The following LMBR1 variants were observed in gnomAD, a reference collection of about 807,000 sequenced individuals.
The protein encoded by LMBR1 is limb development membrane protein 1, also known as limb region 1 protein homolog.
In LMBR1, 52 loss-of-function variants were observed where a neutral mutation model predicts 73.9. The ratio of observed to expected loss-of-function variants is 0.70; its 90% CI spans 0.56 to 0.89. The LOEUF is 0.89. LMBR1 is among the 40% of genes least tolerant of loss of function. LMBR1 has a pLI of 0.00. For synonymous variants in LMBR1, 215 were observed against 209.4 expected, an observed-to-expected ratio of 1.03 and a Z score of -0.23; for missense variants, 539 against 579.8, an observed-to-expected ratio of 0.93 and a Z score of 0.72.
intron 15 of LMBR1, 80 bp downstream of exon 15, chr7:156,724,032 G>A (rs1815183046): frequency 5.2e-6 from 5 of 953,298 alleles, no homozygotes; most frequent in Non-Finnish European, 8.1e-6. Flanking sequence ...TAATCTTTAT[G>A]AGTAAATGTT....
At chr7:156,746,543 A>T (rs143140603) in intron 9 of LMBR1, among the ~76,000 whole-genome samples, 1 of 152,316 alleles carries the variant, frequency 6.6e-6, no homozygotes, top group Non-Finnish European at 1.5e-5. Flanking sequence ...TGCAGGTGAT[A>T]TAACACTAGG....
intron 10 of LMBR1, among the ~76,000 whole-genome samples, chr7:156,729,576 T>C (rs1305001905): frequency 6.6e-6 from 1 of 151,186 alleles, no homozygotes; most frequent in Admixed American, 6.6e-5. Context: ...CGGGTTCAAG[T>C]GATTCTCCTG....
intron 1 of LMBR1, among the ~76,000 whole-genome samples, chr7:156,844,492 G>A (rs1484682737): frequency 6.6e-6 from 1 of 151,610 alleles, no homozygotes; most frequent in Non-Finnish European, 1.5e-5. Context: ...AGGGATGAGT[G>A]AAATAAAAGA....
At chr7:156,892,714 GGAAGC>G (rs1803315164) in intron 1 of LMBR1, 3 of 382,094 alleles carry the variant, frequency 7.9e-6, no homozygotes, top group South Asian at 5.6e-5. Flanking sequence ...GGCAGGCAGA[GGAAGC>G]GAAGGGGAGG....
chr7:156,671,303 G>A (rs534161703), intron 4 of LMBR1, among the ~76,000 whole-genome samples: 1 of 152,312 alleles, frequency 6.6e-6, no homozygotes, highest in South Asian at 2.1e-4. Context: ...GTGTTACTCA[G>A]AAGAGATGCC....
rs1399194478 is a variant in LMBR1, at chr7:156,681,271, T to C, written c.*2807A>G. On this transcript the variant is annotated 3_prime_UTR_variant, in exon 17 of 17. Coordinates refer to ENST00000353442, the MANE Select transcript of LMBR1 (RefSeq NM_022458.4). Reference sequence around the variant, plus strand: ...AGGCCGCACTGCCGCTGAGAGCAGGTACACGTGCGCCTTTAACACATCTGA... The same window carrying C: ...AGGCCGCACTGCCGCTGAGAGCAGGCACACGTGCGCCTTTAACACATCTGA... The C allele has an allele frequency of 1.2e-5, 5 of 419,256 alleles. No homozygotes were observed. The highest frequency in any genetic ancestry group is 6.6e-5 in the Admixed American group (2 of 30,190). The allele number at this position is 419,256 out of a possible 1,614,324, so 26.0% of individuals were successfully genotyped here. A position where few individuals can be genotyped will look rare whatever the true frequency, so the allele number is the denominator to read the frequency against.
In LMBR1 at chr7:156,764,267, C is replaced by T. The variant is rs951102433; in HGVS notation, c.424-472G>A. Among the ~76,000 whole-genome samples the T allele has an allele frequency of 3.3e-5, 5 of 152,094 alleles. No individual in the cohort carries two copies. The highest frequency in any genetic ancestry group is 5.9e-5 in the Non-Finnish European group (4 of 68,024). On this transcript the variant is annotated intron_variant, in intron 5 of 16. Coordinates refer to ENST00000353442, the MANE Select transcript of LMBR1 (RefSeq NM_022458.4). ...CAGCCTCCGGAGCCCTCTACTGTGC[C>T]GCTGAAGAACTGTCCATTGTAATCC...
intron 1 of LMBR1, among the ~76,000 whole-genome samples, chr7:156,891,995 T>C (rs1803084903): frequency 6.6e-6 from 1 of 152,128 alleles, no homozygotes; most frequent in Non-Finnish European, 1.5e-5. Context: ...GGCGTAAATA[T>C]AAACATAAAA....
intron 4 of LMBR1, among the ~76,000 whole-genome samples, chr7:156,814,929 G>C (rs1411167416): frequency 6.6e-6 from 1 of 150,614 alleles, no homozygotes; most frequent in Non-Finnish European, 1.5e-5. Context: ...GGCCAAGGCA[G>C]GCAGATTACC....
chr7:156,892,661 G>C (rs1349415235), intron 1 of LMBR1: 3 of 315,238 alleles, frequency 9.5e-6, no homozygotes, highest in South Asian at 7.7e-5. Flanking sequence ...GGCTCGAACG[G>C]AGGGAGCGCG....
At chr7:156,842,441 CTTGAGATTATCTG>C (rs1217184555) in intron 1 of LMBR1, among the ~76,000 whole-genome samples, 6 of 152,122 alleles carry the variant, frequency 3.9e-5, no homozygotes, top group African/African-American at 1.4e-4. Flanking sequence ...CGTTTTAAGA[CTTGAGATTATCTG>C]TTGAGTGACC....
intron 15 of LMBR1, among the ~76,000 whole-genome samples, chr7:156,711,786 T>C (rs1392764146): frequency 1.3e-5 from 2 of 152,066 alleles, no homozygotes; most frequent in Non-Finnish European, 2.9e-5. Context: ...GCTGGTAAAA[T>C]TGGATTGCCA....
chr7:156,864,966 A>G (rs1798246717), intron 1 of LMBR1, among the ~76,000 whole-genome samples: 1 of 148,948 alleles, frequency 6.7e-6, no homozygotes, highest in Admixed American at 6.8e-5. Context: ...ATTGCACTTC[A>G]GCCTGGGTGA....
chr7:156,884,308 A>C (rs1801546771), intron 1 of LMBR1, among the ~76,000 whole-genome samples: 1 of 152,090 alleles, frequency 6.6e-6, no homozygotes, highest in Non-Finnish European at 1.5e-5. Flanking sequence ...GAACATCAAC[A>C]ATTTCAGAGA....
intron 1 of LMBR1, among the ~76,000 whole-genome samples, chr7:156,889,639 G>A (rs1191530075): frequency 6.6e-6 from 1 of 152,152 alleles, no homozygotes; most frequent in Admixed American, 6.6e-5. Context: ...CAGAACTAAA[G>A]AACTCCATAA....
intron 16 of LMBR1, among the ~76,000 whole-genome samples, chr7:156,684,973 A>G (rs1275848454): frequency 1.3e-5 from 2 of 152,222 alleles, no homozygotes; most frequent in East Asian, 3.9e-4. Context: ...TTTTAAATAA[A>G]GTAAAATAAA....
intron 9 of LMBR1, among the ~76,000 whole-genome samples, chr7:156,745,638 A>G (rs890858615): frequency 6.6e-6 from 1 of 152,234 alleles, no homozygotes; most frequent in Non-Finnish European, 1.5e-5. Context: ...CCTTTGCAAC[A>G]CAGGGGCAAA....
At chr7:156,881,524 T>C (rs987742703) in intron 1 of LMBR1, among the ~76,000 whole-genome samples, 4 of 152,024 alleles carry the variant, frequency 2.6e-5, no homozygotes, top group Admixed American at 2.0e-4. Flanking sequence ...TACAGCAAAG[T>C]AGACAATCAA....
intron 5 of LMBR1, among the ~76,000 whole-genome samples, chr7:156,766,988 G>A (rs771362281): frequency 6.6e-6 from 1 of 152,180 alleles, no homozygotes; most frequent in Non-Finnish European, 1.5e-5. Flanking sequence ...TACAAATTTG[G>A]TTGAGCCATG....
Sources: gnomAD v4.1 joint callset for allele counts (sites outside exome capture counted in the v4.1 genomes callset) on GRCh38, gnomAD v4.1.1 for gene constraint, MANE v1.5 for transcripts, NCBI Gene and HGNC (gene_info 2026-07-23, HGNC 2026-07-21) for gene names.